The following ABCA2 variants were observed in gnomAD, a reference collection of about 807,000 sequenced individuals.
The protein encoded by ABCA2 is ATP binding cassette subfamily A member 2.
A neutral mutation model predicts 262.8 loss-of-function variants in ABCA2; 84 were observed. That is an observed-to-expected ratio of 0.32 (90% CI 0.27 to 0.38). The LOEUF is 0.38. Ranked by LOEUF, ABCA2 falls within the 10% of genes least tolerant of loss-of-function variation. The probability of loss-of-function intolerance (pLI) is 1.00; values close to 1 mark genes in which losing one functional copy is unlikely to be tolerated. For missense variants in ABCA2, 2,662 were observed against 3,405.9 expected (o/e 0.78, Z 5.44); for synonymous variants, 1,696 against 1,502.9 (o/e 1.13, Z -2.97).
intron 43 of ABCA2, 57 bp from the exon 44 acceptor site, chr9:137,009,701 C>T: frequency 6.2e-7 from 1 of 1,611,016 alleles, no homozygotes; most frequent in Non-Finnish European, 8.5e-7. Context: ...AGCCTGAACG[C>T]TGCCCCTGCC....
chr9:137,009,113 C>A (rs1830939501), intron 45 of ABCA2, 60 bp from the exon 46 acceptor site: 2 of 1,527,366 alleles, frequency 1.3e-6, no homozygotes, highest in South Asian at 2.3e-5. Flanking sequence ...CCCAGCCCCC[C>A]AGCCTCCCAG....
In ABCA2 at chr9:137,017,930, TCAGCCC is replaced by T. The variant is rs772116323; in HGVS notation, c.2097-35_2097-30del. The T allele has an allele frequency of 6.2e-6, 10 of 1,611,920 alleles. No homozygotes were observed. In the African/African-American group the frequency reaches 6.7e-5, roughly 11 times the overall value. ...CGGGGAGGCCGCGCTCAGGCGCCAC[TCAGCCC>T]CAGCCCCAGCCCCAGCCCCGGGCGC... On this transcript the variant is annotated intron_variant, in intron 15 of 48. Coordinates refer to ENST00000341511, the MANE Select transcript of ABCA2 (RefSeq NM_001606.5).
In ABCA2 at chr9:137,009,920, G is replaced by T; in HGVS notation, c.6496-17C>A. Reference sequence around the variant, plus strand: ...CTTCACCACCTGGCCAGGGAACGCAGGTGTCAGTGGAGGCAGGGCCACCCA... The same window carrying T: ...CTTCACCACCTGGCCAGGGAACGCATGTGTCAGTGGAGGCAGGGCCACCCA... On this transcript the variant is annotated splice_polypyrimidine_tract_variant and intron_variant, in intron 42 of 48. Coordinates refer to ENST00000341511, the MANE Select transcript of ABCA2 (RefSeq NM_001606.5). The T allele has an allele frequency of 6.2e-7, 1 of 1,602,300 alleles. No homozygotes were observed. The highest frequency in any genetic ancestry group is 8.5e-7 in the Non-Finnish European group (1 of 1,172,884).
In ABCA2 at chr9:137,010,359, G is replaced by C; in HGVS notation, c.6187C>G (p.Arg2063Gly). Residue 2063 changes from arginine to glycine, a missense_variant, in exon 41 of 49, where the codon CGG becomes GGG. By Grantham distance (125) the Arg-to-Gly change is moderately radical. Around this residue, in one of 12 missense-constraint regions of ABCA2, gnomAD observed 602 missense variants for 897.4 expected, o/e 0.67. Coordinates refer to ENST00000341511, the MANE Select transcript of ABCA2 (RefSeq NM_001606.5). ...IENLTKVYKS[R>G]KIGRILAVDR... ...ACGGCCAGGATACGGCCAATCTTCC[G>C]GGACTTGTAGACCTGGCCAGGAGCC... The C allele has an allele frequency of 6.4e-7, 1 of 1,571,916 alleles. No homozygotes were observed.
rs1217688217 is a variant in ABCA2, at chr9:137,009,364, G to A, written c.6827+6C>T. 2.4e-6 allele frequency: 2 copies of A among 841,892 alleles called. No individual in the cohort carries two copies. The highest frequency in any genetic ancestry group is 3.6e-6 in the Non-Finnish European group (2 of 558,390). The allele number at this position is 841,892 out of a possible 1,614,324, so 52.2% of individuals were successfully genotyped here. A position where few individuals can be genotyped will look rare whatever the true frequency, so the allele number is the denominator to read the frequency against. ...CCAGCCCACCCCTGGCCCTGCCCCG[G>A]CTCACCGGTTCTTCAGGTGCTGGAT... On this transcript the variant is annotated splice_donor_region_variant and intron_variant, in intron 45 of 48. Transcript: ENST00000341511.
upstream of ABCA2, chr9:137,028,893 T>C (rs1251453475): frequency 7.6e-7 from 1 of 1,310,076 alleles, no homozygotes; most frequent in Non-Finnish European, 1.0e-6. This position sits in a 1 kb window ranked among gnomAD's most constrained non-coding sequence, Gnocchi z 6.9. Context: ...GTCTGGTCTC[T>C]GCACAGGGAG....
Position 137,011,311 on chromosome 9 carries a change from T to C in ABCA2, c.5800-2A>G. 1 of 1,610,518 alleles carries C rather than the reference T, an allele frequency of 6.2e-7. No homozygotes were observed. The highest frequency in any genetic ancestry group is 8.5e-7 in the Non-Finnish European group (1 of 1,178,444). ...GTAACTGTTGACAACCTTCAGGTCC[T>C]GCGGGGTGGCCGGGGTCAGGGGCAC... On this transcript the variant is annotated splice_acceptor_variant, in intron 37 of 48. Transcript: ENST00000341511. LOFTEE classifies it high-confidence loss of function. The surrounding 1 kb of genome is among the most constrained non-coding windows in gnomAD (Gnocchi z 8.8).
Position 137,019,474 on chromosome 9 carries a change from G to A in ABCA2, c.1426-168C>T. The A allele has an allele frequency of 1.4e-6, 1 of 705,400 alleles. No individual in the cohort carries two copies. Among genetic ancestry groups the A allele is most frequent in the Non-Finnish European group, 2.3e-6 (1 of 441,818 alleles). 43.7% of individuals were successfully genotyped at this position (705,400 alleles called of 1,614,324 possible). On this transcript the variant is annotated intron_variant, in intron 10 of 48. Coordinates refer to ENST00000341511, the MANE Select transcript of ABCA2 (RefSeq NM_001606.5). The surrounding 1 kb of genome is among the most constrained non-coding windows in gnomAD (Gnocchi z 4.4). ...CAGGGTCTCAGTCACCCACGCTGGA[G>A]TGCAGTGGTGCAGTCCCAGCTCACT...
rs371401395 is a variant in ABCA2 at position 137,017,260 on chromosome 9, A to G, written c.2489T>C (p.Met830Thr). 1.9e-6 allele frequency: 3 copies of G among 1,612,504 alleles called. No homozygotes were observed. Among genetic ancestry groups the G allele is most frequent in the Non-Finnish European group, 2.5e-6 (3 of 1,179,902 alleles). Reference sequence around the variant, plus strand: ...CACCTCCTCTCGGATCGCCACGTACATGTAGGGCACGTAGCTCAGGAAGTA... The same window carrying G: ...CACCTCCTCTCGGATCGCCACGTACGTGTAGGGCACGTAGCTCAGGAAGTA... ...IIYFLSYVPY[M>T]YVAIREEVAH... Residue 830 changes from methionine to threonine, a missense_variant, in exon 18 of 49, where the codon ATG becomes ACG. Physicochemically the swap from Met to Thr is moderately conservative, Grantham distance 81. This residue lies in a region of ABCA2 where 188 missense variants were observed against 343.4 expected (regional missense o/e 0.55). Transcript: ENST00000341511.
At position 137,016,571 on chromosome 9, in the gene ABCA2, C is replaced by T. The variant is rs200431748; in HGVS notation, c.2923+3G>A. The T allele has an allele frequency of 7.7e-4, 1,239 of 1,612,252 alleles. No homozygotes were observed. The highest frequency in any genetic ancestry group is 9.7e-4 in the Non-Finnish European group (1,144 of 1,179,936). ...CCAGCCACCATTCTGATGCCAGCCT[C>T]ACCAAAGCGCCGGCTCTCCATGGCA... is the stretch of plus-strand genomic sequence containing the variant. On this transcript the variant is annotated splice_donor_region_variant and intron_variant, in intron 20 of 48. Coordinates refer to ENST00000341511, the MANE Select transcript of ABCA2 (RefSeq NM_001606.5).
rs369865925 is a variant in ABCA2 at position 137,016,579 on chromosome 9, C to T, written c.2918G>A (p.Arg973His). The T allele has an allele frequency of 8.4e-5, 136 of 1,612,210 alleles. No individual in the cohort carries two copies. The African/African-American group carries it at 1.2e-3, about 14-fold the overall frequency. The change falls in exon 20 of 49, where the codon CGC (arginine) becomes CAC (histidine). Residue 973 changes from arginine (R) to histidine (H), a missense_variant. Around this residue, in one of 12 missense-constraint regions of ABCA2, gnomAD observed 133 missense variants for 150.8 expected, o/e 0.88. Transcript: ENST00000341511. ...EDQACAMESR[R>H]FEETRGMEEE... ...CATTCTGATGCCAGCCTCACCAAAG[C>T]GCCGGCTCTCCATGGCACAGGCCTG...
At chr9:137,023,898 C>A in intron 2 of ABCA2, 58 bp from the exon 3 acceptor site, 1 of 1,042,264 alleles carries the variant, frequency 9.6e-7, no homozygotes, top group Non-Finnish European at 1.5e-6. Flanking sequence ...CAAAACAGAA[C>A]AGAGGAGACC....
At chr9:137,024,345 G>C in intron 1 of ABCA2, 109 bp from the exon 2 acceptor site, 2 of 918,888 alleles carry the variant, frequency 2.2e-6, no homozygotes, top group Non-Finnish European at 3.2e-6. Context: ...TGCTCCCTGG[G>C]GCCAGGGAAG....
chr9:137,023,837 C>T lies in ABCA2; in HGVS notation c.163+1G>A. The stretch of plus-strand genomic sequence containing the variant: ...CCAGGAGGAGGTGGCCGCTCACTTA[C>T]AGACTGCATGCCAGCCGAGGACAAG... On this transcript the variant is annotated splice_donor_variant, in intron 3 of 48. Transcript: ENST00000341511. LOFTEE classifies it high-confidence loss of function. The T allele has an allele frequency of 1.2e-6, 1 of 806,238 alleles. No individual in the cohort carries two copies. The highest frequency in any genetic ancestry group is 2.2e-6 in the Non-Finnish European group (1 of 453,822). The allele number at this position is 806,238 out of a possible 1,614,324, so 49.9% of individuals were successfully genotyped here.
intron 3 of ABCA2, 152 bp downstream of exon 3, chr9:137,023,686 C>T: frequency 1.5e-6 from 1 of 689,622 alleles, no homozygotes; most frequent in Non-Finnish European, 2.7e-6. Context: ...CACTGCCTGC[C>T]ACCCCCCATC....
rs749825558 is a variant in ABCA2, at chr9:137,010,222, C to T, written c.6324G>A (p.Thr2108=). 11 of 1,605,482 alleles carry T rather than the reference C, an allele frequency of 6.9e-6. No individual in the cohort carries two copies. The highest frequency in any genetic ancestry group is 1.7e-4 in the Middle Eastern group (1 of 6,056). ...FKMLTGDEST[T]GGEAFVNGHS... ...GTCCATTGACGAAGGCCTCGCCCCC[C>T]GTCGTGCTCTCGTCGCCGGTCAGCA... is the stretch of plus-strand genomic sequence containing the variant. Residue 2108 remains threonine, a synonymous_variant, in exon 41 of 49, where the codon ACG becomes ACA. Transcript: ENST00000341511.
intron 28 of ABCA2, 125 bp from the exon 29 acceptor site, chr9:137,013,688 C>A: frequency 7.5e-7 from 1 of 1,335,512 alleles, no homozygotes; most frequent in South Asian, 1.3e-5. Context: ...GGAGACAGGA[C>A]TCCCGGATGA....
At chr9:137,014,890 C>T in intron 25 of ABCA2, 23 bp downstream of exon 25, 4 of 1,577,148 alleles carry the variant, frequency 2.5e-6, no homozygotes, top group Non-Finnish European at 3.4e-6. Context: ...TGCAACTGCC[C>T]CCCGACCCGT....
upstream of ABCA2, chr9:137,028,619 G>C (rs1831748657): frequency 9.2e-7 from 1 of 1,083,386 alleles, no homozygotes; most frequent in Non-Finnish European, 1.2e-6. This position sits in a 1 kb window ranked among gnomAD's most constrained non-coding sequence, Gnocchi z 6.9. Context: ...ACTGTCCCCG[G>C]GGCGCGCCGA....
Sources: allele counts gnomAD v4.1 joint callset, GRCh38; gene constraint gnomAD v4.1.1; regional missense constraint gnomAD v4.1.1; non-coding constraint Gnocchi (gnomAD v3.1); transcripts MANE v1.5; gene names NCBI Gene and HGNC (gene_info 2026-07-23, HGNC 2026-07-21).